GIT1: variants seen among roughly 807,000 people sequenced by gnomAD.
The protein encoded by GIT1 is GIT ArfGAP 1.
A neutral mutation model predicts 91.7 loss-of-function variants in GIT1; 14 were observed. The observed-to-expected ratio is 0.15, with a 90% CI of 0.10 to 0.24. GIT1 has a LOEUF of 0.24. Ranked by LOEUF, GIT1 falls within the 10% of genes least tolerant of loss-of-function variation. GIT1 has a pLI of 1.00. For synonymous variants in GIT1, 414 were observed against 418.2 expected (o/e 0.99, Z 0.12); for missense variants, 717 against 1,024.9 (o/e 0.70, Z 4.10).
In GIT1 at chr17:29,585,152, G is replaced by A. The variant is rs749159926; in HGVS notation, c.53-1536C>T. Among the ~76,000 whole-genome samples, 8 of 151,938 alleles carry A rather than the reference G, an allele frequency of 5.3e-5. No homozygotes were observed. In the South Asian group the frequency reaches 6.2e-4, roughly 12 times the overall value. On this transcript the variant is annotated intron_variant, in intron 1 of 19. Coordinates refer to ENST00000225394, the MANE Select transcript of GIT1 (RefSeq NM_014030.4). ...GGGACCAGCCTTCTTCGCCAAGAGGGGGAGCCCTAGCATGCACTTCTGGGC... is the reference window on the plus strand; with the variant it reads ...GGGACCAGCCTTCTTCGCCAAGAGGAGGAGCCCTAGCATGCACTTCTGGGC...
In GIT1 at chr17:29,575,264, C is replaced by T. The variant is rs769522976; in HGVS notation, c.2009+24G>A. 2.5e-6 allele frequency: 4 copies of T among 1,597,260 alleles called. No individual in the cohort carries two copies. Among genetic ancestry groups the T allele is most frequent in the Non-Finnish European group, 3.4e-6 (4 of 1,169,698 alleles). On this transcript the variant is annotated intron_variant, in intron 18 of 19. Transcript: ENST00000225394. The surrounding 1 kb of genome is among the most constrained non-coding windows in gnomAD (Gnocchi z 5.5). The stretch of plus-strand genomic sequence containing the variant: ...AGAAGCCAACAGGAACTGCATCCCC[C>T]TCACCTCCCCCTCCACTCAGTACCT...
Position 29,576,094 on chromosome 17 carries a change from G to C in GIT1, c.1649C>G (p.Pro550Arg), listed in dbSNP as rs779763363. 1.2e-6 allele frequency: 2 copies of C among 1,613,766 alleles called. No homozygotes were observed. Among genetic ancestry groups the C allele is most frequent in the Non-Finnish European group, 1.7e-6 (2 of 1,179,924 alleles). Reference sequence around the variant, plus strand: ...CAGGCTTACCCGGTAAAGGCCAGCAGGGACGTGCACTGAATAGATGGCGTC... The same window carrying C: ...CAGGCTTACCCGGTAAAGGCCAGCACGGACGTGCACTGAATAGATGGCGTC... The part of the protein sequence containing the change: ...EDDAIYSVHV[P>R]AGLYRIRKGV... Residue 550 changes from proline to arginine, a missense_variant, in exon 15 of 20, where the codon CCT becomes CGT. Around this residue, in one of 3 missense-constraint regions of GIT1, gnomAD observed 312 missense variants for 349.5 expected, o/e 0.89. Coordinates refer to ENST00000225394, the MANE Select transcript of GIT1 (RefSeq NM_014030.4).
Position 29,577,683 on chromosome 17 carries a change from G to A in GIT1, c.943C>T (p.Leu315=). Residue 315 remains leucine (L), a synonymous_variant, in exon 10 of 20, where the codon CTG becomes TTG. Transcript: ENST00000225394. ...LVTERSAVPF[L]PVNPEYSATR... is the part of the protein sequence containing the mutation. ...GCTGAGTATTCCGGGTTAACAGGCA[G>A]GAAGGGCACGGCACTGCGCTCTGTC... is the stretch of plus-strand genomic sequence containing the variant. 6.2e-7 allele frequency: 1 copy of A among 1,613,042 alleles called. No homozygotes were observed.
intron 1 of GIT1, among the ~76,000 whole-genome samples, chr17:29,588,757 A>G (rs1399345783): frequency 6.6e-6 from 1 of 152,134 alleles, no homozygotes; most frequent in Admixed American, 6.5e-5. Context: ...AAGGAGCGCT[A>G]GCCTTAGGAA....
chr17:29,580,499 C>G (rs2033360125), intron 7 of GIT1, among the ~76,000 whole-genome samples: 1 of 152,212 alleles, frequency 6.6e-6, no homozygotes, highest in East Asian at 1.9e-4. Context: ...CAGGTGGCAC[C>G]AGCATCCATC....
In GIT1 at chr17:29,576,515, C is replaced by T; in HGVS notation, c.1380+7G>A. On this transcript the variant is annotated splice_region_variant and intron_variant, in intron 13 of 19. Transcript: ENST00000225394. ...GGCTCCCCCTCCCACCGAGGCTGCACCCTCACCTCTCGCTGCAGCCTCCGG... is the reference window on the plus strand; with the variant it reads ...GGCTCCCCCTCCCACCGAGGCTGCATCCTCACCTCTCGCTGCAGCCTCCGG... 1 of 1,613,724 alleles carries T rather than the reference C, an allele frequency of 6.2e-7. No individual in the cohort carries two copies. The highest frequency in any genetic ancestry group is 8.5e-7 in the Non-Finnish European group (1 of 1,179,916).
chr17:29,578,879 G>A, intron 7 of GIT1, 100 bp from the exon 8 acceptor site: 1 of 1,563,906 alleles, frequency 6.4e-7, no homozygotes, highest in Non-Finnish European at 8.8e-7. Flanking sequence ...ATCCCGGGGA[G>A]ATGGCACCCC....
rs763051659 is a variant in GIT1 at position 29,576,252 on chromosome 17, G to C, written c.1579C>G (p.Leu527Val). ...KPFGGPPGDE[L>V]TTRLQPFHST... is the part of the protein sequence containing the mutation. ...TGGAAAGGCTGCAGCCGCGTAGTGA[G>C]CTCGTCCCCAGGGGGGCCCCCAAAG... The change falls in exon 14 of 20, where the codon CTC (leucine) becomes GTC (valine). Residue 527 changes from leucine (L) to valine (V), a missense_variant. Physicochemically the swap from Leu to Val is conservative, Grantham distance 32. Transcript: ENST00000225394. The C allele has an allele frequency of 6.2e-7, 1 of 1,609,682 alleles. No homozygotes were observed. Among genetic ancestry groups the C allele is most frequent in the Non-Finnish European group, 8.5e-7 (1 of 1,177,210 alleles).
intron 4 of GIT1, 46 bp downstream of exon 4, chr17:29,582,652 G>C: frequency 7.8e-7 from 1 of 1,287,528 alleles, no homozygotes. Context: ...GTCGTGGATG[G>C]GAAGAAGAGG....
chr17:29,584,927 G>A (rs1407077898), intron 1 of GIT1, among the ~76,000 whole-genome samples: 3 of 147,264 alleles, frequency 2.0e-5, no homozygotes, highest in African/African-American at 5.0e-5. Flanking sequence ...AAAACAGGAA[G>A]TAAAGGAGAG....
chr17:29,584,628 C>T (rs1166945928), intron 1 of GIT1, among the ~76,000 whole-genome samples: 1 of 152,348 alleles, frequency 6.6e-6, no homozygotes, highest in Middle Eastern at 3.4e-3. Flanking sequence ...TCTCCCAGGA[C>T]ACTTTGCTCT....
Position 29,576,962 on chromosome 17 carries a change from G to T in GIT1, c.1128C>A (p.Asp376Glu), listed in dbSNP as rs1474800604. ...NLELSLRSQS[D>E]LDDQHDYDSV... ...TGTCGTAGTCGTGTTGGTCGTCGAG[G>T]TCACTCTGGCTCCGCAGAGACAGCT... The change falls in exon 12 of 20, where the codon GAC becomes GAA. Residue 376 changes from aspartate to glutamate, a missense_variant. Coordinates refer to ENST00000225394, the MANE Select transcript of GIT1 (RefSeq NM_014030.4). The T allele has an allele frequency of 6.2e-7, 1 of 1,601,910 alleles. No individual in the cohort carries two copies. The highest frequency in any genetic ancestry group is 1.7e-5 in the Admixed American group (1 of 59,488).
chr17:29,574,936 C>T, intron 19 of GIT1, 22 bp from the exon 20 acceptor site: 2 of 1,539,732 alleles, frequency 1.3e-6, no homozygotes, highest in Non-Finnish European at 1.8e-6. Context: ...AGGAGTGAGG[C>T]TGGACCTTGG....
chr17:29,588,132 G>A (rs183496748), intron 1 of GIT1, among the ~76,000 whole-genome samples: 1 of 152,302 alleles, frequency 6.6e-6, no homozygotes, highest in East Asian at 1.9e-4. Flanking sequence ...AGGCTCAACC[G>A]GTGGGGTCCT....
chr17:29,583,110 C>A (rs2033460101), intron 2 of GIT1, 73 bp from the exon 3 acceptor site: 3 of 1,024,354 alleles, frequency 2.9e-6, no homozygotes. Context: ...TTCCTGAGCG[C>A]CTGCTGTGGC....
Position 29,577,146 on chromosome 17 carries a change from G to C in GIT1, c.1083C>G (p.Ser361Arg). The change falls in exon 11 of 20, where the codon AGC (serine) becomes AGG (arginine). Residue 361 changes from serine (S) to arginine (R), a missense_variant. Ser to Arg is a moderately radical substitution (Grantham distance 110, BLOSUM62 -1). Around this residue, in one of 3 missense-constraint regions of GIT1, gnomAD observed 312 missense variants for 349.5 expected, o/e 0.89. Transcript: ENST00000225394. The stretch of plus-strand genomic sequence containing the variant: ...ACACAACCCTCCCACCTGTGGGGCT[G>C]CTCAGGCTCTTGCCCTGCTGTCTCC... ...AKRRQQGKSL[S>R]SPTDNLELSL... The C allele has an allele frequency of 6.2e-7, 1 of 1,613,478 alleles. No homozygotes were observed. The highest frequency in any genetic ancestry group is 8.5e-7 in the Non-Finnish European group (1 of 1,179,630).
At chr17:29,582,888 C>T (rs1364912157) in intron 3 of GIT1, 37 bp downstream of exon 3, 14 of 1,552,788 alleles carry the variant, frequency 9.0e-6, no homozygotes, top group Middle Eastern at 1.7e-4. Flanking sequence ...TCCCGGACTG[C>T]GCAGTCTCTG....
intron 19 of GIT1, 40 bp from the exon 20 acceptor site, chr17:29,574,954 G>A (rs753938693): frequency 6.6e-7 from 1 of 1,520,258 alleles, no homozygotes; most frequent in Admixed American, 2.0e-5. Context: ...TGGACTTTAA[G>A]CCACCAGCTG....
At chr17:29,577,851 C>G (rs2033268146) in intron 9 of GIT1, 109 bp from the exon 10 acceptor site, 1 of 720,812 alleles carries the variant, frequency 1.4e-6, no homozygotes, top group African/African-American at 1.7e-5. Context: ...CTACTGAGCA[C>G]TGGTGTTCAG....
Sources: gnomAD v4.1 joint callset for allele counts (sites outside exome capture counted in the v4.1 genomes callset) on GRCh38, gnomAD v4.1.1 for gene constraint, gnomAD v4.1.1 regional missense constraint, Gnocchi (gnomAD v3.1) non-coding constraint, MANE v1.5 for transcripts, NCBI Gene and HGNC (gene_info 2026-07-23, HGNC 2026-07-21) for gene names.